Variants in WDPCP observed in about 807,000 individuals in gnomAD.
WDPCP encodes WD repeat containing planar cell polarity effector, also known as WD repeat-containing and planar cell polarity effector protein fritz homolog.
WDPCP carries 71 observed loss-of-function variants against 93.1 expected under a neutral mutation model. The ratio of observed to expected loss-of-function variants is 0.76; its 90% confidence interval spans 0.63 to 0.93. The LOEUF (loss-of-function observed/expected upper bound fraction) is 0.93, where lower values mean the gene tolerates loss of function less well. Among genes scored for constraint, WDPCP ranks in the 40% least tolerant of loss-of-function variants. The probability of loss-of-function intolerance (pLI) is 0.00; values close to 1 mark genes in which losing one functional copy is unlikely to be tolerated. For missense variants in WDPCP, 844 were observed against 887.4 expected (o/e 0.95, Z 0.62); for synonymous variants, 315 against 315.0 (o/e 1.00, Z 0.00).
chr2:63,148,968 A>C (rs530681588), intron 17 of WDPCP, among the ~76,000 whole-genome samples: 5 of 152,302 alleles, frequency 3.3e-5, no homozygotes, highest in South Asian at 4.1e-4. Flanking sequence ...ATGAGATTGG[A>C]AATAAGGAAG....
intron 2 of WDPCP, among the ~76,000 whole-genome samples, chr2:63,709,555 G>A (rs1242358918): frequency 6.6e-6 from 1 of 152,086 alleles, no homozygotes. Flanking sequence ...CCACCCCAAG[G>A]CCTGCTATGA....
At chr2:63,781,049 C>A (rs1179949447) in intron 2 of WDPCP, among the ~76,000 whole-genome samples, 2 of 152,172 alleles carry the variant, frequency 1.3e-5, no homozygotes, top group Non-Finnish European at 2.9e-5. Context: ...AGAACCAGGT[C>A]TGTTACAGAA....
rs185281018 is a variant in WDPCP at position 63,782,186 on chromosome 2, C to T, written n.308+31436G>A. ...ACTCAAGATGGATTAAAGACTTAAA[C>T]GTAAGACTTGAAACTATAAAAATAC... On this transcript the variant is annotated intron_variant and non_coding_transcript_variant, in intron 2 of 4. Coordinates refer to the WDPCP transcript ENST00000467687. 1.3e-3 allele frequency among the ~76,000 whole-genome samples: 205 copies of T among 152,096 alleles called. 1 individual carries two copies. The highest frequency in any genetic ancestry group is 4.4e-3 in the African/African-American group (182 of 41,486).
At chr2:63,361,895 T>C (rs1458419457) in intron 12 of WDPCP, among the ~76,000 whole-genome samples, 1 of 152,076 alleles carries the variant, frequency 6.6e-6, no homozygotes, top group Non-Finnish European at 1.5e-5. Context: ...AAATTTGGGG[T>C]TGAGGAGGAA....
At chr2:63,500,536 G>A (rs1701488436) in intron 1 of WDPCP, among the ~76,000 whole-genome samples, 1 of 151,554 alleles carries the variant, frequency 6.6e-6, no homozygotes, top group Non-Finnish European at 1.5e-5. Flanking sequence ...ATGCAGAGAT[G>A]ACCTCAATAT....
At chr2:63,666,900 C>A (rs1575742554) in intron 2 of WDPCP, among the ~76,000 whole-genome samples, 1 of 152,098 alleles carries the variant, frequency 6.6e-6, no homozygotes, top group African/African-American at 2.4e-5. Context: ...ACCAATATAG[C>A]CCAACAGACC....
chr2:63,155,817 A>T (rs1672204466), intron 15 of WDPCP, among the ~76,000 whole-genome samples: 1 of 152,154 alleles, frequency 6.6e-6, no homozygotes, highest in African/African-American at 2.4e-5. Flanking sequence ...GTTTTTTGTT[A>T]TTCTAGCTTC....
chr2:63,173,869 T>C (rs943530671), intron 15 of WDPCP, among the ~76,000 whole-genome samples: 1 of 152,254 alleles, frequency 6.6e-6, no homozygotes, highest in Non-Finnish European at 1.5e-5. Context: ...ACGTATTTTT[T>C]AATGTGGCCT....
chr2:63,165,071 A>G (rs1165082699), intron 15 of WDPCP, among the ~76,000 whole-genome samples: 1 of 152,222 alleles, frequency 6.6e-6, no homozygotes, highest in Admixed American at 6.5e-5. Flanking sequence ...CCTCCAATTA[A>G]AAGGAAGAGA....
intron 13 of WDPCP, among the ~76,000 whole-genome samples, chr2:63,308,148 T>G (rs951109594): frequency 1.3e-5 from 2 of 152,026 alleles, no homozygotes; most frequent in African/African-American, 4.8e-5. Context: ...GAAAAAAAGC[T>G]CATCATCACT....
intron 17 of WDPCP, among the ~76,000 whole-genome samples, chr2:63,144,586 T>C (rs1174594405): frequency 1.3e-5 from 2 of 152,160 alleles, no homozygotes; most frequent in African/African-American, 4.8e-5. Context: ...GTGTCCAAAG[T>C]TTCCTGATTT....
At chr2:63,813,896 A>G (rs1670893515) in intron 1 of WDPCP, among the ~76,000 whole-genome samples, 1 of 152,240 alleles carries the variant, frequency 6.6e-6, no homozygotes, top group South Asian at 2.1e-4. Context: ...ATGTTTGCTG[A>G]TAAATACTAA....
intron 2 of WDPCP, among the ~76,000 whole-genome samples, chr2:63,810,674 T>G (rs1670851173): frequency 6.6e-6 from 1 of 152,208 alleles, no homozygotes; most frequent in African/African-American, 2.4e-5. Flanking sequence ...CATGTTATAC[T>G]TGGGAATTCA....
At chr2:63,580,561 C>A (rs1040970773) in intron 1 of WDPCP, among the ~76,000 whole-genome samples, 1 of 152,122 alleles carries the variant, frequency 6.6e-6, no homozygotes, top group Non-Finnish European at 1.5e-5. Context: ...AAACATCAAA[C>A]AAACCCAAAT....
chr2:63,204,086 C>T (rs1037072264), intron 14 of WDPCP, among the ~76,000 whole-genome samples: 3 of 152,176 alleles, frequency 2.0e-5, no homozygotes, highest in African/African-American at 7.2e-5. Flanking sequence ...ATTGTTGACT[C>T]ATGTGGTAGC....
chr2:63,621,484 G>A lies in WDPCP; in HGVS notation n.488+29175C>T, dbSNP rs541398113. Among the ~76,000 whole-genome samples the A allele has an allele frequency of 2.0e-5, 3 of 152,106 alleles. No individual in the cohort carries two copies. The East Asian group carries it at 5.8e-4, about 30-fold the overall frequency. On this transcript the variant is annotated intron_variant and non_coding_transcript_variant, in intron 3 of 4. Transcript: ENST00000467687. Reference sequence around the variant, plus strand: ...AAGACAAGATTAGAGAATAAAGAATGAAAAGTAATGAACAAAGCCTCCAAT... The same window carrying A: ...AAGACAAGATTAGAGAATAAAGAATAAAAAGTAATGAACAAAGCCTCCAAT...
chr2:63,315,761 AT>A (rs59248574), intron 12 of WDPCP, among the ~76,000 whole-genome samples: 82 of 149,746 alleles, frequency 5.5e-4, no homozygotes, highest in African/African-American at 1.9e-3. Flanking sequence ...AAATAATTTG[AT>A]TTTTTTTTTG....
intron 5 of WDPCP, 126 bp from the exon 6 acceptor site, chr2:63,484,789 C>G: frequency 6.7e-7 from 1 of 1,492,306 alleles, no homozygotes; most frequent in Non-Finnish European, 9.2e-7. Context: ...TGTTTTGGAA[C>G]TCATCACTGG....
At chr2:63,652,301 C>A (rs1402379999) in intron 2 of WDPCP, among the ~76,000 whole-genome samples, 1 of 152,196 alleles carries the variant, frequency 6.6e-6, no homozygotes, top group African/African-American at 2.4e-5. Flanking sequence ...GTTGGCACAA[C>A]CTCTGGGTGA....
Sources: allele counts gnomAD v4.1 joint callset (sites outside exome capture counted in the v4.1 genomes callset), GRCh38; gene constraint gnomAD v4.1.1; transcripts MANE v1.5; gene names NCBI Gene and HGNC (gene_info 2026-07-23, HGNC 2026-07-21).